SCD5: variants seen among roughly 807,000 people sequenced by gnomAD.
SCD5 encodes the protein acyl-CoA-desaturase 4.
Under a neutral mutation model 30.4 loss-of-function variants are expected in SCD5, and 20 were observed. That is an observed-to-expected ratio of 0.66 (90% CI 0.46 to 0.96). The LOEUF (loss-of-function observed/expected upper bound fraction) is 0.96, where lower values mean the gene tolerates loss of function less well. Among genes scored for constraint, SCD5 ranks in the 40% least tolerant of loss-of-function variants. SCD5 has a pLI of 0.00. For missense variants in SCD5, 381 were observed against 443.3 expected, an observed-to-expected ratio of 0.86 and a Z score of 1.26; for synonymous variants, 173 against 176.4, an observed-to-expected ratio of 0.98 and a Z score of 0.16.
Position 82,798,303 on chromosome 4 carries a change from T to TA in SCD5, c.232+2dup. ...GGGCGCAGGGGGCGCCGGCGGGACT[T>TA]ACCCCAGAGCAGAGTGAGTGGCTTG... On this transcript the variant is annotated splice_region_variant and intron_variant, in intron 1 of 4. Coordinates refer to ENST00000319540, the MANE Select transcript of SCD5 (RefSeq NM_001037582.3). 6.4e-7 allele frequency: 1 copy of TA among 1,572,164 alleles called. No individual in the cohort carries two copies. The highest frequency in any genetic ancestry group is 8.6e-7 in the Non-Finnish European group (1 of 1,160,676).
intron 3 of SCD5, among the ~76,000 whole-genome samples, chr4:82,667,225 G>T (rs1416220963): frequency 2.6e-5 from 4 of 152,056 alleles, no homozygotes; most frequent in African/African-American, 9.7e-5. Flanking sequence ...GATGGTCAAA[G>T]TGGGGAAAGA....
intron 4 of SCD5, among the ~76,000 whole-genome samples, chr4:82,631,992 G>T (rs1727305274): frequency 6.6e-6 from 1 of 152,044 alleles, no homozygotes; most frequent in African/African-American, 2.4e-5. Flanking sequence ...CCTTCCAGTG[G>T]CCAGTGGGCA....
chr4:82,725,092 A>G (rs1720443632), intron 1 of SCD5, among the ~76,000 whole-genome samples: 1 of 152,226 alleles, frequency 6.6e-6, no homozygotes, highest in Non-Finnish European at 1.5e-5. Context: ...GCCAAATACA[A>G]CAAAAAAGAA....
chr4:82,741,679 G>A (rs28470323), intron 1 of SCD5, among the ~76,000 whole-genome samples: 2,427 of 152,116 alleles, frequency 0.016, 65 homozygotes, highest in African/African-American at 0.052. Context: ...ATTAGAATAG[G>A]GCTCTTTCTG....
intron 1 of SCD5, among the ~76,000 whole-genome samples, chr4:82,778,600 C>T (rs572667470): frequency 6.6e-6 from 1 of 152,312 alleles, no homozygotes; most frequent in East Asian, 1.9e-4. Context: ...GGTCAGCAAA[C>T]TTGCCACTCT....
At chr4:82,662,712 T>C (rs980708166) in intron 3 of SCD5, among the ~76,000 whole-genome samples, 3 of 151,544 alleles carry the variant, frequency 2.0e-5, no homozygotes, top group Admixed American at 2.0e-4. Flanking sequence ...ATACAAAAAT[T>C]AGCTGGGCAT....
intron 1 of SCD5, among the ~76,000 whole-genome samples, chr4:82,762,563 C>T (rs1037641403): frequency 6.6e-5 from 10 of 152,244 alleles, no homozygotes; most frequent in Middle Eastern, 3.4e-3. Flanking sequence ...AAATTGATGA[C>T]TTAGGTCCAG....
chr4:82,700,365 C>A lies in SCD5; in HGVS notation c.363+4918G>T, dbSNP rs955599928. Among the ~76,000 whole-genome samples, 10 of 152,050 alleles carry A rather than the reference C, an allele frequency of 6.6e-5. 1 individual carries two copies. The highest frequency in any genetic ancestry group is 1.9e-4 in the African/African-American group (8 of 41,394). On this transcript the variant is annotated intron_variant, in intron 2 of 4. Transcript: ENST00000319540. ...AAAAACCCTACACTTAGGGTTTACA[C>A]CATGCCCAGCTAATACTTAGGTATC...
At chr4:82,773,309 C>A (rs1053473130) in intron 1 of SCD5, among the ~76,000 whole-genome samples, 8 of 152,202 alleles carry the variant, frequency 5.3e-5, no homozygotes. Context: ...CACCACACAT[C>A]CTCCCCATTC....
chr4:82,635,436 G>A (rs543045238), intron 4 of SCD5, among the ~76,000 whole-genome samples: 97 of 152,034 alleles, frequency 6.4e-4, no homozygotes, highest in Non-Finnish European at 1.1e-3. Flanking sequence ...TGGCTAACAC[G>A]GTGAAATCCC....
At chr4:82,748,013 GA>G (rs1438219904) in intron 1 of SCD5, among the ~76,000 whole-genome samples, 1 of 152,056 alleles carries the variant, frequency 6.6e-6, no homozygotes, top group Non-Finnish European at 1.5e-5. Flanking sequence ...TACTGCTGAG[GA>G]AAAAAATGAA....
intron 1 of SCD5, among the ~76,000 whole-genome samples, chr4:82,712,297 T>TACA (rs1560540874): frequency 8.9e-5 from 3 of 33,742 alleles, no homozygotes; most frequent in Non-Finnish European, 1.3e-4. Context: ...TATATATATA[T>TACA]TTTATTTTTA....
At chr4:82,725,071 G>A (rs1410527271) in intron 1 of SCD5, among the ~76,000 whole-genome samples, 1 of 152,158 alleles carries the variant, frequency 6.6e-6, no homozygotes, top group Non-Finnish European at 1.5e-5. Flanking sequence ...TTCAGGAAGG[G>A]TTTTCTGAAG....
At chr4:82,701,953 T>C (rs1268050137) in intron 2 of SCD5, among the ~76,000 whole-genome samples, 6 of 151,958 alleles carry the variant, frequency 3.9e-5, no homozygotes, top group Admixed American at 2.0e-4. Context: ...CATCTTTGAC[T>C]TGGAGCAAAT....
chr4:82,745,826 G>T lies in SCD5; in HGVS notation c.233-40413C>A, dbSNP rs75759987. On this transcript the variant is annotated intron_variant, in intron 1 of 4. Coordinates refer to ENST00000319540, the MANE Select transcript of SCD5 (RefSeq NM_001037582.3). ...TGCATATCACTGAGGTAGGTAAGAG[G>T]CAGTACAGAGTGGTGGTTAAGAGGC... Among the ~76,000 whole-genome samples the T allele has an allele frequency of 2.2e-4, 34 of 152,304 alleles. No homozygotes were observed. The East Asian group carries it at 4.2e-3, about 19-fold the overall frequency.
chr4:82,746,040 G>A (rs2148840478), intron 1 of SCD5, among the ~76,000 whole-genome samples: 1 of 152,336 alleles, frequency 6.6e-6, no homozygotes, highest in South Asian at 2.1e-4. Context: ...AGGGCATAGA[G>A]CAGTGCCTGG....
At chr4:82,737,586 T>A (rs2148837765) in intron 1 of SCD5, among the ~76,000 whole-genome samples, 1 of 152,318 alleles carries the variant, frequency 6.6e-6, no homozygotes, top group South Asian at 2.1e-4. Context: ...GCCTGATTTT[T>A]AAGTTCCCCA....
At chr4:82,785,836 A>G (rs1335618150) in intron 1 of SCD5, among the ~76,000 whole-genome samples, 1 of 152,202 alleles carries the variant, frequency 6.6e-6, no homozygotes, top group Non-Finnish European at 1.5e-5. Flanking sequence ...ACACTTCCTA[A>G]CAAATATCTC....
At chr4:82,668,421 T>C (rs1320615902) in intron 3 of SCD5, among the ~76,000 whole-genome samples, 1 of 152,168 alleles carries the variant, frequency 6.6e-6, no homozygotes, top group Non-Finnish European at 1.5e-5. Context: ...AGACCCAAAC[T>C]GGGGAGCTCT....
Sources: gnomAD v4.1 joint callset for allele counts (sites outside exome capture counted in the v4.1 genomes callset) on GRCh38, gnomAD v4.1.1 for gene constraint, MANE v1.5 for transcripts, NCBI Gene and HGNC (gene_info 2026-07-23, HGNC 2026-07-21) for gene names.